The following TBC1D5 variants were observed in gnomAD, a reference collection of about 807,000 sequenced individuals.
TBC1D5 encodes TBC1 domain family, member 5.
A neutral mutation model predicts 100.3 loss-of-function variants in TBC1D5; 75 were observed. The ratio of observed to expected loss-of-function variants is 0.75; its 90% CI spans 0.62 to 0.91. The LOEUF (loss-of-function observed/expected upper bound fraction) is 0.91, where lower values mean the gene tolerates loss of function less well. Among genes scored for constraint, TBC1D5 ranks in the 40% least tolerant of loss-of-function variants. The pLI, the probability that TBC1D5 is intolerant of heterozygous loss-of-function variation, is 0.00. For missense variants in TBC1D5, 910 were observed against 942.4 expected (o/e 0.97, Z 0.45); for synonymous variants, 323 against 325.6 (o/e 0.99, Z 0.09).
chr3:17,435,886 T>C (rs900318025), intron 3 of TBC1D5, among the ~76,000 whole-genome samples: 9 of 152,198 alleles, frequency 5.9e-5, no homozygotes, highest in Admixed American at 6.5e-5. Flanking sequence ...GAGAAGACCC[T>C]AAGCTTCCAC....
At chr3:17,206,374 T>C (rs1171088529) in intron 18 of TBC1D5, among the ~76,000 whole-genome samples, 2 of 152,218 alleles carry the variant, frequency 1.3e-5, no homozygotes, top group Non-Finnish European at 2.9e-5. Context: ...GATTGCTCTC[T>C]TATATTTCTT....
At chr3:17,634,438 C>A (rs1376001046) in intron 1 of TBC1D5, among the ~76,000 whole-genome samples, 2 of 152,012 alleles carry the variant, frequency 1.3e-5, no homozygotes, top group Non-Finnish European at 2.9e-5. Flanking sequence ...ATGGGTGGAA[C>A]TGGAGGTCAC....
intron 4 of TBC1D5, among the ~76,000 whole-genome samples, chr3:17,417,510 A>G (rs1056477756): frequency 2.0e-5 from 3 of 152,070 alleles, no homozygotes; most frequent in African/African-American, 4.8e-5. Context: ...TGTCCCTACA[A>G]AGGACATGAA....
At chr3:17,564,912 A>G (rs2096584162) in intron 2 of TBC1D5, among the ~76,000 whole-genome samples, 1 of 152,188 alleles carries the variant, frequency 6.6e-6, no homozygotes, top group South Asian at 2.1e-4. Flanking sequence ...CCAAAAATCA[A>G]CATCATATAT....
intron 8 of TBC1D5, among the ~76,000 whole-genome samples, chr3:17,388,608 A>G (rs952823955): frequency 2.6e-5 from 4 of 151,728 alleles, no homozygotes; most frequent in Non-Finnish European, 4.4e-5. Flanking sequence ...CAGCACTTTG[A>G]AAGGTCAAGG....
intron 3 of TBC1D5, among the ~76,000 whole-genome samples, chr3:17,434,996 C>T (rs1228714009): frequency 6.6e-6 from 1 of 152,240 alleles, no homozygotes; most frequent in African/African-American, 2.4e-5. Flanking sequence ...GTTTGCATAG[C>T]AAGAGTTAAC....
chr3:17,522,970 T>C (rs1430705446), intron 2 of TBC1D5, among the ~76,000 whole-genome samples: 2 of 152,190 alleles, frequency 1.3e-5, no homozygotes, highest in African/African-American at 4.8e-5. Context: ...TGCAGTTCAA[T>C]TATATTTATT....
At chr3:17,685,765 C>G (rs1249851577) in intron 1 of TBC1D5, among the ~76,000 whole-genome samples, 1 of 152,048 alleles carries the variant, frequency 6.6e-6, no homozygotes, top group African/African-American at 2.4e-5. Flanking sequence ...ACTGGACACT[C>G]AAGACATTCT....
chr3:17,641,552 A>G (rs2064507399), intron 1 of TBC1D5, among the ~76,000 whole-genome samples: 1 of 152,106 alleles, frequency 6.6e-6, no homozygotes, highest in African/African-American at 2.4e-5. Flanking sequence ...AGTAACTAAC[A>G]CTTAGAGCTT....
intron 16 of TBC1D5, among the ~76,000 whole-genome samples, chr3:17,258,159 T>C (rs2077904278): frequency 1.3e-5 from 2 of 152,050 alleles, no homozygotes; most frequent in South Asian, 4.1e-4. Flanking sequence ...ACTGAAATAA[T>C]TTAAAAATAT....
intron 2 of TBC1D5, among the ~76,000 whole-genome samples, chr3:17,535,408 C>T (rs909152674): frequency 2.0e-5 from 3 of 152,160 alleles, no homozygotes; most frequent in Non-Finnish European, 4.4e-5. Flanking sequence ...AGTTGAAAGA[C>T]ATTTGACAAT....
At chr3:17,669,165 T>TA (rs766479916) in intron 1 of TBC1D5, among the ~76,000 whole-genome samples, 9 of 152,120 alleles carry the variant, frequency 5.9e-5, no homozygotes, top group Admixed American at 2.6e-4. Context: ...TTTTAAAAGG[T>TA]AGTTTCCCCC....
intron 2 of TBC1D5, among the ~76,000 whole-genome samples, chr3:17,573,846 T>C (rs972000378): frequency 5.9e-5 from 9 of 151,974 alleles, no homozygotes; most frequent in African/African-American, 2.2e-4. Flanking sequence ...ACATAATTCA[T>C]CACACTAGAT....
intron 13 of TBC1D5, among the ~76,000 whole-genome samples, chr3:17,325,963 T>C (rs1436899075): frequency 2.6e-5 from 4 of 152,102 alleles, no homozygotes; most frequent in African/African-American, 4.8e-5. Flanking sequence ...TAGAGAATTT[T>C]TCGAAAAACC....
intron 1 of TBC1D5, among the ~76,000 whole-genome samples, chr3:17,713,125 T>C (rs2074901716): frequency 6.6e-6 from 1 of 152,224 alleles, no homozygotes; most frequent in African/African-American, 2.4e-5. Context: ...TTTTTCTCTG[T>C]TTAAGTTTTA....
In TBC1D5 at chr3:17,443,379, G is replaced by A. The variant is rs116337262; in HGVS notation, c.98-14860C>T. The stretch of plus-strand genomic sequence containing the variant: ...ATTAACCGAACAATACCACGTGCTG[G>A]ATACCATAACTCATACCCTATAGTT... On this transcript the variant is annotated intron_variant, in intron 3 of 21. Transcript: ENST00000253692. 4.9e-3 allele frequency among the ~76,000 whole-genome samples: 749 copies of A among 152,248 alleles called. 4 individuals carry two copies. Among genetic ancestry groups the A allele is most frequent in the African/African-American group, 0.017 (693 of 41,546 alleles).
chr3:17,427,472 T>C (rs1014071621), intron 4 of TBC1D5, among the ~76,000 whole-genome samples: 1 of 151,870 alleles, frequency 6.6e-6, no homozygotes, highest in Non-Finnish European at 1.5e-5. Context: ...CAGTTCCAAT[T>C]AAGAATATAT....
At chr3:17,376,463 A>G (rs1263344260) in intron 10 of TBC1D5, 62 bp downstream of exon 10, 21 of 1,471,446 alleles carry the variant, frequency 1.4e-5, no homozygotes, top group Non-Finnish European at 1.8e-5. Flanking sequence ...TGAGGTTTCA[A>G]AAACAAAGGT....
At chr3:17,523,835 C>A (rs1188759208) in intron 2 of TBC1D5, among the ~76,000 whole-genome samples, 2 of 151,982 alleles carry the variant, frequency 1.3e-5, no homozygotes, top group Non-Finnish European at 2.9e-5. Context: ...ATCATAGATA[C>A]TACAATAGTT....
Sources: gnomAD v4.1 joint callset for allele counts (sites outside exome capture counted in the v4.1 genomes callset) on GRCh38, gnomAD v4.1.1 for gene constraint, MANE v1.5 for transcripts, NCBI Gene and HGNC (gene_info 2026-07-23, HGNC 2026-07-21) for gene names.